The following COL15A1 variants were observed in gnomAD, a reference collection of about 807,000 sequenced individuals.
COL15A1 encodes collagen type XV alpha 1 chain, also known as collagen alpha-1(XV) chain.
COL15A1 carries 111 observed loss-of-function variants against 165.9 expected under a neutral mutation model. That is an observed-to-expected ratio of 0.67 (90% CI 0.57 to 0.78). The LOEUF (loss-of-function observed/expected upper bound fraction) is 0.78. Among genes scored for constraint, COL15A1 ranks in the 30% least tolerant of loss-of-function variants. The pLI, the probability that COL15A1 is intolerant of heterozygous loss-of-function variation, is 0.00. For synonymous variants in COL15A1, 659 were observed against 674.8 expected (o/e 0.98, Z 0.36); for missense variants, 1,745 against 1,789.7 (o/e 0.98, Z 0.45).
chr9:98,967,378 C>T (rs1165072096), intron 2 of COL15A1, among the ~76,000 whole-genome samples: 2 of 152,234 alleles, frequency 1.3e-5, no homozygotes, highest in African/African-American at 2.4e-5. Context: ...CTGCAGAACC[C>T]TCTCCTGACA....
At chr9:99,059,357 G>A (rs1825774059) in intron 35 of COL15A1, among the ~76,000 whole-genome samples, 1 of 152,038 alleles carries the variant, frequency 6.6e-6, no homozygotes, top group Admixed American at 6.5e-5. Context: ...AGAGCTTGCT[G>A]TTTCCTCGAG....
chr9:99,058,559 T>A (rs1204675744), intron 35 of COL15A1, among the ~76,000 whole-genome samples: 2 of 152,238 alleles, frequency 1.3e-5, no homozygotes, highest in African/African-American at 4.8e-5. Flanking sequence ...ACATTAGGGC[T>A]GCCGGGATGC....
intron 36 of COL15A1, among the ~76,000 whole-genome samples, chr9:99,061,424 C>G (rs2117967848): frequency 6.6e-6 from 1 of 152,292 alleles, no homozygotes; most frequent in Non-Finnish European, 1.5e-5. Context: ...CTTTTCTAGG[C>G]AGAGAAATTA....
At position 99,016,223 on chromosome 9, in the gene COL15A1, A is replaced by G. The variant is rs74439374; in HGVS notation, c.1647+104A>G. 8.6e-4 allele frequency: 1,209 copies of G among 1,406,872 alleles called. 9 individuals are homozygous for G. In the African/African-American group the frequency reaches 0.015, roughly 17 times the overall value. The allele number at this position is 1,406,872 out of a possible 1,614,324, so 87.1% of individuals were successfully genotyped here. ...GCTGGCCCCCAGCTTTCTCAGAGGT[A>G]GGTTTTCATGTTGGTTTGCAAATTT... On this transcript the variant is annotated intron_variant, in intron 11 of 41. Coordinates refer to ENST00000375001, the MANE Select transcript of COL15A1 (RefSeq NM_001855.5).
At chr9:98,999,380 A>AGGTGGTG (rs1270077833) in intron 6 of COL15A1, among the ~76,000 whole-genome samples, 1 of 152,028 alleles carries the variant, frequency 6.6e-6, no homozygotes. Context: ...ACCTGCAGGA[A>AGGTGGTG]GGTGGTGGGA....
chr9:99,035,516 ACT>A, intron 19 of COL15A1, 98 bp downstream of exon 19: 2 of 1,462,418 alleles, frequency 1.4e-6, no homozygotes, highest in Middle Eastern at 1.7e-4. Context: ...ACTTTCAATA[ACT>A]CACCTTCTCT....
chr9:99,050,652 A>G (rs1299842982), intron 30 of COL15A1, among the ~76,000 whole-genome samples: 1 of 152,198 alleles, frequency 6.6e-6, no homozygotes, highest in East Asian at 1.9e-4. Flanking sequence ...CATTCATTCG[A>G]CAAATATTTA....
At chr9:99,025,654 C>T (rs1313868668) in intron 15 of COL15A1, among the ~76,000 whole-genome samples, 1 of 152,126 alleles carries the variant, frequency 6.6e-6, no homozygotes, top group Non-Finnish European at 1.5e-5. Flanking sequence ...ACCATCTGGT[C>T]CAACCCTGTC....
At position 98,986,100 on chromosome 9, in the gene COL15A1, C is replaced by T. The variant is rs753527788; in HGVS notation, c.636C>T (p.Leu212=). Residue 212 remains leucine (L), a synonymous_variant, in exon 3 of 42, where the codon CTC becomes CTT. Transcript: ENST00000375001. The stretch of plus-strand genomic sequence containing the variant: ...TGGGCAATGCAGGAGCTACAGGGCT[C>T]GAGAGATTCACTGTGAGTTAAAGTC... ...IFMGNAGATG[L]ERFTGSLQQL... 5.5e-5 allele frequency: 88 copies of T among 1,612,260 alleles called. No individual in the cohort carries two copies. The highest frequency in any genetic ancestry group is 6.7e-5 in the African/African-American group (5 of 74,860).
intron 35 of COL15A1, among the ~76,000 whole-genome samples, chr9:99,057,662 C>T (rs2117937733): frequency 6.6e-6 from 1 of 152,256 alleles, no homozygotes; most frequent in Non-Finnish European, 1.5e-5. Context: ...ATAAGTGACA[C>T]CAACAGGATT....
chr9:98,973,033 A>G (rs1385714704), intron 2 of COL15A1, among the ~76,000 whole-genome samples: 1 of 152,220 alleles, frequency 6.6e-6, no homozygotes, highest in African/African-American at 2.4e-5. Context: ...GCCTCCTGGC[A>G]GAAGGAACGG....
chr9:99,066,707 C>T (rs1386348980), intron 39 of COL15A1, among the ~76,000 whole-genome samples, 175 bp from the exon 40 acceptor site: 5 of 150,074 alleles, frequency 3.3e-5, no homozygotes, highest in African/African-American at 4.9e-5. Flanking sequence ...TCTCCTTCCC[C>T]GGAAATGGTC....
At chr9:98,957,747 C>T (rs1182021245) in intron 2 of COL15A1, among the ~76,000 whole-genome samples, 1 of 152,206 alleles carries the variant, frequency 6.6e-6, no homozygotes, top group Non-Finnish European at 1.5e-5. Flanking sequence ...GGTGCAATCA[C>T]AGCTCACTGC....
intron 2 of COL15A1, among the ~76,000 whole-genome samples, chr9:98,984,802 G>GT (rs568419519): frequency 1.4e-3 from 208 of 152,084 alleles, no homozygotes; most frequent in Non-Finnish European, 2.1e-3. Context: ...TTTTGTTTTT[G>GT]TTTTTTTGAG....
intron 5 of COL15A1, among the ~76,000 whole-genome samples, chr9:98,990,595 G>A (rs1026032028): frequency 6.6e-6 from 1 of 152,232 alleles, no homozygotes; most frequent in Non-Finnish European, 1.5e-5. Context: ...AGCCAACTCA[G>A]GCAAAGGTGC....
rs775120106 is a variant in COL15A1, at chr9:99,049,733, C to G, written c.2837C>G (p.Pro946Arg). The G allele has an allele frequency of 1.9e-6, 3 of 1,614,012 alleles. No homozygotes were observed. In the African/African-American group the frequency reaches 4.0e-5, roughly 22 times the overall value. ...GGCCCTCCAGGCCCCCCTGGGCCAC[C>G]TGGAGCTGTGATTAACATCAAAGGA... Reference protein sequence around the residue: ...LPGPPGPPGPPGAVINIKGAI... With the variant: ...LPGPPGPPGPRGAVINIKGAI... The change falls in exon 29 of 42, where the codon CCT (proline) becomes CGT (arginine). Residue 946 changes from proline to arginine, a missense_variant. Pro to Arg is a moderately radical substitution (Grantham distance 103). Coordinates refer to ENST00000375001, the MANE Select transcript of COL15A1 (RefSeq NM_001855.5).
chr9:98,948,512 A>G (rs1439298147), intron 2 of COL15A1, among the ~76,000 whole-genome samples: 2 of 148,968 alleles, frequency 1.3e-5, no homozygotes, highest in African/African-American at 2.5e-5. Context: ...GCAGGAGAAT[A>G]GCTTGAACCT....
intron 2 of COL15A1, among the ~76,000 whole-genome samples, chr9:98,965,943 G>C (rs562267737): frequency 6.6e-6 from 1 of 151,796 alleles, no homozygotes; most frequent in Non-Finnish European, 1.5e-5. Context: ...TTGGTGTCTG[G>C]TCCTTTTTTT....
intron 10 of COL15A1, 50 bp downstream of exon 10, chr9:99,015,616 G>T: frequency 1.9e-6 from 3 of 1,567,848 alleles, no homozygotes; most frequent in Non-Finnish European, 8.7e-7. Context: ...AGACAGGTCT[G>T]CATCATGCGA....
Sources: gnomAD v4.1 joint callset for allele counts (sites outside exome capture counted in the v4.1 genomes callset) on GRCh38, gnomAD v4.1.1 for gene constraint, MANE v1.5 for transcripts, NCBI Gene and HGNC (gene_info 2026-07-23, HGNC 2026-07-21) for gene names.